The following C11orf97 variants were observed in gnomAD, a reference collection of about 807,000 sequenced individuals.
The protein encoded by C11orf97 is chromosome 11 open reading frame 97, also known as uncharacterized protein C11orf97.
C11orf97 carries 15 observed loss-of-function variants against 16.2 expected under a neutral mutation model. The ratio of observed to expected loss-of-function variants is 0.93; its 90% confidence interval spans 0.62 to 1.43. The LOEUF (loss-of-function observed/expected upper bound fraction) is 1.43. C11orf97 is among the 40% of genes most tolerant of loss of function. The probability of loss-of-function intolerance (pLI) is 0.00; values close to 1 mark genes in which losing one functional copy is unlikely to be tolerated. For synonymous variants in C11orf97, 61 were observed against 65.7 expected (o/e 0.93, Z 0.34); for missense variants, 171 against 161.2 (o/e 1.06, Z -0.33).
At chr11:94,518,750 C>T (rs1042388294) in intron 2 of C11orf97, among the ~76,000 whole-genome samples, 5 of 152,114 alleles carry the variant, frequency 3.3e-5, no homozygotes, top group African/African-American at 1.2e-4. Context: ...TCAGCAGTTG[C>T]TAGAAGAAAT....
At chr11:94,513,058 A>C (rs1405144502) in intron 1 of C11orf97, among the ~76,000 whole-genome samples, 1 of 152,120 alleles carries the variant, frequency 6.6e-6, no homozygotes, top group Non-Finnish European at 1.5e-5. Context: ...CACGCAGCTC[A>C]TTTTGCCAGT....
intron 1 of C11orf97, 43 bp from the exon 2 acceptor site, chr11:94,517,540 C>G: frequency 8.6e-7 from 1 of 1,168,942 alleles, no homozygotes; most frequent in Non-Finnish European, 1.2e-6. Flanking sequence ...GAAGATTGGG[C>G]AGTATTTATA....
At chr11:94,517,484 C>T (rs1041476154) in intron 1 of C11orf97, 99 bp from the exon 2 acceptor site, 7 of 588,042 alleles carry the variant, frequency 1.2e-5, no homozygotes, top group African/African-American at 1.9e-5. Context: ...TATGGAATAA[C>T]ATGTCTTCTT....
In C11orf97 at chr11:94,512,646, C is replaced by G; in HGVS notation, c.118C>G (p.Arg40Gly). 6.4e-6 allele frequency: 8 copies of G among 1,251,638 alleles called. No individual in the cohort carries two copies. The highest frequency in any genetic ancestry group is 8.0e-6 in the Non-Finnish European group (8 of 997,256). The allele number at this position is 1,251,638 out of a possible 1,614,324, so 77.5% of individuals were successfully genotyped here. The change falls in exon 1 of 4, where the codon CGC becomes GGC. Residue 40 changes from arginine (R) to glycine (G), a missense_variant. By Grantham distance (125) the Arg-to-Gly change is moderately radical (BLOSUM62 -2). Coordinates refer to ENST00000542198, the MANE Select transcript of C11orf97 (RefSeq NM_001190462.2). ...GTGCGGGGCGCGCGGGGAACCCGGC[C>G]GCGGCCCCCTAGAGCACGGCCAGCA... Reference protein sequence around the residue: ...LGCGARGEPGRGPLEHGQQWK... With the variant: ...LGCGARGEPGGGPLEHGQQWK...
At chr11:94,516,981 T>A (rs1947615939) in intron 1 of C11orf97, among the ~76,000 whole-genome samples, 1 of 152,176 alleles carries the variant, frequency 6.6e-6, no homozygotes, top group African/African-American at 2.4e-5. Context: ...TGAGCTACAT[T>A]TCTGAGAAGA....
At chr11:94,528,331 T>G in intron 3 of C11orf97, 122 bp downstream of exon 3, 1 of 955,786 alleles carries the variant, frequency 1.0e-6, no homozygotes, top group Non-Finnish European at 1.4e-6. Context: ...TTGACTTGTT[T>G]CTCTTGGGTT....
At chr11:94,528,615 T>C (rs1164928521) in intron 3 of C11orf97, among the ~76,000 whole-genome samples, 1 of 152,192 alleles carries the variant, frequency 6.6e-6, no homozygotes, top group Non-Finnish European at 1.5e-5. Context: ...TGGCAGCCAC[T>C]TTGCTTGGCT....
At chr11:94,517,325 A>G (rs570308886) in intron 1 of C11orf97, among the ~76,000 whole-genome samples, 3 of 152,254 alleles carry the variant, frequency 2.0e-5, no homozygotes, top group East Asian at 1.9e-4. Context: ...AACTTTATCT[A>G]TTTCTTCATA....
At chr11:94,529,629 G>A (rs1452349786) in intron 3 of C11orf97, among the ~76,000 whole-genome samples, 1 of 152,200 alleles carries the variant, frequency 6.6e-6, no homozygotes, top group African/African-American at 2.4e-5. Flanking sequence ...AGTGGAGCCA[G>A]AACTACAAAC....
chr11:94,531,186 T>A (rs1947735497), intron 3 of C11orf97, among the ~76,000 whole-genome samples: 1 of 152,142 alleles, frequency 6.6e-6, no homozygotes. Context: ...CTTTTATCAA[T>A]CCCAGCACTC....
intron 1 of C11orf97, among the ~76,000 whole-genome samples, chr11:94,516,554 C>A (rs1413478204): frequency 6.6e-6 from 1 of 152,102 alleles, no homozygotes; most frequent in Non-Finnish European, 1.5e-5. Flanking sequence ...GAGACAACAT[C>A]CCTGCCCTCA....
At chr11:94,524,457 C>T (rs1947683777) in intron 2 of C11orf97, among the ~76,000 whole-genome samples, 1 of 151,954 alleles carries the variant, frequency 6.6e-6, no homozygotes, top group African/African-American at 2.4e-5. Flanking sequence ...TACTAGTTTT[C>T]TGTAGGTTCA....
rs1591743957 is a variant in C11orf97 at position 94,512,593 on chromosome 11, A to G, written c.65A>G (p.Glu22Gly). Reference protein sequence around the residue: ...VVAPKAGREEEQPPPPAGLGC... With the variant: ...VVAPKAGREEGQPPPPAGLGC... ...GCGCCCAAGGCGGGTCGCGAAGAGG[A>G]GCAGCCTCCTCCGCCAGCAGGGCTG... The change falls in exon 1 of 4, where the codon GAG becomes GGG. Residue 22 changes from glutamate to glycine, a missense_variant. Coordinates refer to ENST00000542198, the MANE Select transcript of C11orf97 (RefSeq NM_001190462.2). 6 of 1,282,330 alleles carry G rather than the reference A, an allele frequency of 4.7e-6. No individual in the cohort carries two copies. The highest frequency in any genetic ancestry group is 4.9e-5 in the South Asian group (2 of 40,728). 79.4% of individuals were successfully genotyped at this position (1,282,330 alleles called of 1,614,324 possible).
At chr11:94,514,043 C>T (rs1052126290) in intron 1 of C11orf97, among the ~76,000 whole-genome samples, 1 of 152,168 alleles carries the variant, frequency 6.6e-6, no homozygotes, top group African/African-American at 2.4e-5. Flanking sequence ...CTCCTGGCCT[C>T]GAGTGATCCG....
chr11:94,515,696 C>T (rs1434064318), intron 1 of C11orf97, among the ~76,000 whole-genome samples: 2 of 150,282 alleles, frequency 1.3e-5, no homozygotes, highest in South Asian at 4.2e-4. Context: ...CCTTTCCTTC[C>T]TGGCCAAGTT....
At chr11:94,523,177 G>A (rs963924401) in intron 2 of C11orf97, among the ~76,000 whole-genome samples, 4 of 152,154 alleles carry the variant, frequency 2.6e-5, no homozygotes, top group Non-Finnish European at 5.9e-5. Flanking sequence ...CTTACCCCTA[G>A]CCAGCTTTAC....
chr11:94,517,245 A>ACACTG, intron 1 of C11orf97, among the ~76,000 whole-genome samples: 2 of 152,112 alleles, frequency 1.3e-5, no homozygotes, highest in Non-Finnish European at 2.9e-5. Context: ...CCAAATGCCT[A>ACACTG]TCACAGAGTA....
chr11:94,527,625 A>C (rs763962396), intron 2 of C11orf97, among the ~76,000 whole-genome samples: 128 of 152,302 alleles, frequency 8.4e-4, no homozygotes, highest in Non-Finnish European at 1.6e-3. Context: ...AACAGCATCT[A>C]GTTTGTGGCT....
In C11orf97 at chr11:94,517,551, C is replaced by G. The variant is rs561716282; in HGVS notation, c.146-32C>G. The stretch of plus-strand genomic sequence containing the variant: ...GCTAGAAGATTGGGCAGTATTTATA[C>G]TAAGTAATTGATTTTGTTAATGCCT... On this transcript the variant is annotated intron_variant, in intron 1 of 3. Transcript: ENST00000542198. 9.1e-6 allele frequency: 12 copies of G among 1,323,890 alleles called. No individual in the cohort carries two copies. The Admixed American group carries it at 1.9e-4, about 21-fold the overall frequency. 82.0% of individuals were successfully genotyped at this position (1,323,890 alleles called of 1,614,324 possible).
Sources: allele counts gnomAD v4.1 joint callset (sites outside exome capture counted in the v4.1 genomes callset), GRCh38; gene constraint gnomAD v4.1.1; transcripts MANE v1.5; gene names NCBI Gene and HGNC (gene_info 2026-07-23, HGNC 2026-07-21).